The following SLC52A3 variants were observed in gnomAD, a reference collection of about 807,000 sequenced individuals.
SLC52A3 encodes solute carrier family 52 member 3, also known as solute carrier family 52, riboflavin transporter, member 3.
SLC52A3 carries 20 observed loss-of-function variants against 29.5 expected under a neutral mutation model. The observed-to-expected ratio is 0.68, with a 90% CI of 0.48 to 0.99. The LOEUF (loss-of-function observed/expected upper bound fraction) is 0.99. SLC52A3 is among the 50% of genes least tolerant of loss of function. SLC52A3 has a pLI of 0.00. For missense variants in SLC52A3, 548 were observed against 612.9 expected (o/e 0.89, Z 1.12); for synonymous variants, 301 against 271.0 (o/e 1.11, Z -1.09).
chr20:769,500 C>CA (rs559907089), upstream of SLC52A3, among the ~76,000 whole-genome samples: 189 of 152,366 alleles, frequency 1.2e-3, no homozygotes, highest in Non-Finnish European at 2.1e-3. Context: ...TTGCTAGGAA[C>CA]ATGCACTAAA....
Position 763,533 on chromosome 20 carries a change from A to T in SLC52A3, c.1038T>A (p.Pro346=), listed in dbSNP as rs753106817. 4 of 1,614,096 alleles carry T rather than the reference A, an allele frequency of 2.5e-6. No homozygotes were observed. In the Admixed American group the frequency reaches 6.7e-5, roughly 27 times the overall value. Residue 346 remains proline, a synonymous_variant, in exon 3 of 5, where the codon CCT becomes CCA. Coordinates refer to ENST00000645534, the MANE Select transcript of SLC52A3 (RefSeq NM_033409.4). ...GGAACATGGAGACCAACGAGGCAAG[A>T]GGGTTGGCCACAATGCTGAGGGTGG... ...LAATLSIVAN[P]LASLVSMFLP...
In SLC52A3 at chr20:760,686, C is replaced by T. The variant is rs943452865; in HGVS notation, c.*340G>A. ...GCACAGAGAAGCCAAATGACTTTCC[C>T]AAGGTCACACAGCCTGAAGGGACAG... On this transcript the variant is annotated 3_prime_UTR_variant, in exon 5 of 5. Coordinates refer to ENST00000645534, the MANE Select transcript of SLC52A3 (RefSeq NM_033409.4). This position sits in a 1 kb window ranked among gnomAD's most constrained non-coding sequence, Gnocchi z 4.9. 3.0e-6 allele frequency: 1 copy of T among 334,022 alleles called. No homozygotes were observed. The highest frequency in any genetic ancestry group is 5.5e-6 in the Non-Finnish European group (1 of 180,744). 20.7% of individuals were successfully genotyped at this position (334,022 alleles called of 1,614,324 possible). A position where few individuals can be genotyped will look rare whatever the true frequency, so the allele number is the denominator to read the frequency against.
chr20:763,639 T>C lies in SLC52A3; in HGVS notation c.932A>G (p.Asn311Ser), dbSNP rs751931728. ...AFIYTLVAFV[N>S]ALTNGMLPSV... ...GGGCAGCATGCCGTTGGTGAGCGCG[T>C]TGACGAAGGCCACCAGGGTATAGAT... Residue 311 changes from asparagine (N) to serine (S), a missense_variant, in exon 3 of 5, where the codon AAC (asparagine) becomes AGC (serine). Physicochemically the swap from Asn to Ser is conservative, Grantham distance 46. This residue lies in a region of SLC52A3 where 375 missense variants were observed against 471.1 expected (regional missense o/e 0.80). Coordinates refer to ENST00000645534, the MANE Select transcript of SLC52A3 (RefSeq NM_033409.4). 2 of 1,614,122 alleles carry C rather than the reference T, an allele frequency of 1.2e-6. No individual in the cohort carries two copies. The highest frequency in any genetic ancestry group is 1.3e-5 in the African/African-American group (1 of 75,036).
At position 765,413 on chromosome 20, in the gene SLC52A3, G is replaced by T; in HGVS notation, c.362C>A (p.Thr121Asn). The T allele has an allele frequency of 6.2e-7, 1 of 1,613,978 alleles. No homozygotes were observed. The highest frequency in any genetic ancestry group is 8.5e-7 in the Non-Finnish European group (1 of 1,179,928). Reference protein sequence around the residue: ...LTFFLALVDCTSSVTFLPFMS... With the variant: ...LTFFLALVDCNSSVTFLPFMS... ...GAACGGCAGGAAGGTCACTGAAGAG[G>T]TGCAGTCCACCAGGGCCAGGAAGAA... is the stretch of plus-strand genomic sequence containing the variant. The change falls in exon 2 of 5, where the codon ACC becomes AAC. Residue 121 changes from threonine (T) to asparagine (N), a missense_variant. Coordinates refer to ENST00000645534, the MANE Select transcript of SLC52A3 (RefSeq NM_033409.4). This position sits in a 1 kb window ranked among gnomAD's most constrained non-coding sequence, Gnocchi z 6.6.
intron 1 of SLC52A3, among the ~76,000 whole-genome samples, chr20:775,738 T>A (rs972088339): frequency 2.0e-5 from 3 of 152,204 alleles, no homozygotes; most frequent in Non-Finnish European, 4.4e-5. Flanking sequence ...TGACTCCACA[T>A]GCCAGCTGAG....
upstream of SLC52A3, among the ~76,000 whole-genome samples, chr20:772,477 G>A (rs1986871048): frequency 6.6e-6 from 1 of 152,194 alleles, no homozygotes; most frequent in Admixed American, 6.5e-5. Flanking sequence ...GATGTCTTAG[G>A]CAGAGGGAAC....
upstream of SLC52A3, among the ~76,000 whole-genome samples, chr20:773,201 T>C (rs531200408): frequency 2.0e-5 from 3 of 152,206 alleles, no homozygotes; most frequent in African/African-American, 7.2e-5. Flanking sequence ...TTCGGAGGGT[T>C]AGGAAGCTGT....
chr20:761,467 G>A (rs1272497807), intron 4 of SLC52A3: 4 of 731,840 alleles, frequency 5.5e-6, no homozygotes, highest in Non-Finnish European at 8.8e-6. Context: ...CAGGGCAAGG[G>A]CCCTTGAGAG....
chr20:780,029 A>G (rs954610196), upstream of SLC52A3, among the ~76,000 whole-genome samples: 2 of 152,218 alleles, frequency 1.3e-5, no homozygotes, highest in African/African-American at 4.8e-5. Flanking sequence ...CAGAAGCCCT[A>G]TACAGGGACT....
chr20:767,482 A>C (rs892763483), intron 1 of SLC52A3, among the ~76,000 whole-genome samples: 11 of 151,994 alleles, frequency 7.2e-5, no homozygotes, highest in Non-Finnish European at 1.3e-4. Context: ...CAGCCTCCCA[A>C]GTAGCTGGGA....
At chr20:777,707 G>A (rs1437544713), upstream of SLC52A3, among the ~76,000 whole-genome samples, 1 of 152,186 alleles carries the variant, frequency 6.6e-6, no homozygotes, top group African/African-American at 2.4e-5. Flanking sequence ...CGAGAGGTGA[G>A]CAGGCACTAG....
At chr20:769,390 G>C (rs569971305), upstream of SLC52A3, among the ~76,000 whole-genome samples, 1 of 152,266 alleles carries the variant, frequency 6.6e-6, no homozygotes, top group South Asian at 2.1e-4. Flanking sequence ...TCAAATCCCA[G>C]CTTCAACCCT....
upstream of SLC52A3, among the ~76,000 whole-genome samples, chr20:770,829 T>TGTGGCAAACAGGGAAA (rs1453596274): frequency 2.0e-5 from 3 of 152,198 alleles, no homozygotes; most frequent in Admixed American, 6.5e-5. This position sits in a 1 kb window ranked among gnomAD's most constrained non-coding sequence, Gnocchi z 4.5. Context: ...AAGTGGGTAT[T>TGTGGCAAACAGGGAAA]CCTTCTGGCA....
At chr20:768,767 AAGCTGACTTGACTAAT>A, upstream of SLC52A3, 1 of 152,410 alleles carries the variant, frequency 6.6e-6, no homozygotes, top group South Asian at 2.1e-4. Context: ...CTCCCTTAGG[AAGCTGACTTGACTAAT>A]AGCACAGGTG....
At chr20:777,811 T>C (rs1237602287), upstream of SLC52A3, among the ~76,000 whole-genome samples, 1 of 152,110 alleles carries the variant, frequency 6.6e-6, no homozygotes, top group Non-Finnish European at 1.5e-5. Flanking sequence ...AATATGACTC[T>C]GGGAAACCAG....
chr20:761,676 G>T, intron 4 of SLC52A3, 25 bp downstream of exon 4: 1 of 1,612,900 alleles, frequency 6.2e-7, no homozygotes, highest in Middle Eastern at 1.7e-4. Flanking sequence ...CGCAGCGGGA[G>T]CAGCCCCACC....
upstream of SLC52A3, among the ~76,000 whole-genome samples, chr20:779,565 G>A (rs1025197664): frequency 3.9e-5 from 6 of 152,234 alleles, no homozygotes; most frequent in African/African-American, 7.2e-5. Flanking sequence ...GTTGCAGTAA[G>A]CTGAGATTGC....
intron 1 of SLC52A3, chr20:766,196 A>C: frequency 8.7e-6 from 1 of 115,424 alleles, no homozygotes; most frequent in Non-Finnish European, 1.9e-5. Context: ...CGGCCTCCCA[A>C]AGTGCTGGGA....
At chr20:777,261 C>CAAA (rs1987071731), upstream of SLC52A3, among the ~76,000 whole-genome samples, 3 of 42,778 alleles carry the variant, frequency 7.0e-5, no homozygotes, top group African/African-American at 1.9e-4. Flanking sequence ...AACAAACAAA[C>CAAA]AAACAAAAAA....
Sources: gnomAD v4.1 joint callset for allele counts (sites outside exome capture counted in the v4.1 genomes callset) on GRCh38, gnomAD v4.1.1 for gene constraint, gnomAD v4.1.1 regional missense constraint, Gnocchi (gnomAD v3.1) non-coding constraint, MANE v1.5 for transcripts, NCBI Gene and HGNC (gene_info 2026-07-23, HGNC 2026-07-21) for gene names.